The following CTCFL variants were observed in gnomAD, a reference collection of about 807,000 sequenced individuals.
CTCFL encodes the protein CCCTC-binding factor like.
Under a neutral mutation model 67.4 loss-of-function variants are expected in CTCFL, and 36 were observed. The ratio of observed to expected loss-of-function variants is 0.53; its 90% confidence interval spans 0.41 to 0.71. The LOEUF (loss-of-function observed/expected upper bound fraction) is 0.71. Ranked by LOEUF, CTCFL falls within the 30% of genes least tolerant of loss-of-function variation. CTCFL has a pLI of 0.00. For synonymous variants in CTCFL, 324 were observed against 302.3 expected (o/e 1.07, Z -0.75); for missense variants, 786 against 835.2 (o/e 0.94, Z 0.73).
intron 8 of CTCFL, among the ~76,000 whole-genome samples, chr20:57,511,492 T>G (rs2068549685): frequency 6.6e-6 from 1 of 152,172 alleles, no homozygotes. Context: ...GATTGGTCAT[T>G]TGGAAAATAC....
chr20:57,512,803 G>C (rs1196791530), intron 7 of CTCFL, 51 bp from the exon 8 acceptor site: 1 of 1,568,220 alleles, frequency 6.4e-7, no homozygotes, highest in African/African-American at 1.4e-5. Flanking sequence ...TTTTCTGTTA[G>C]CCTGCTTCCC....
chr20:57,515,125 G>A (rs1471066369), intron 6 of CTCFL: 2 of 191,762 alleles, frequency 1.0e-5, no homozygotes, highest in Non-Finnish European at 2.1e-5. Flanking sequence ...TTAAGGAGTT[G>A]ACTTTTATTT....
rs1388718683 is a variant in CTCFL, at chr20:57,514,720, T to C, written c.1202A>G (p.His401Arg). ...CTGGGTGAAGCGGGTGTGGCAGATG[T>C]GGCATTCGTAAGGCTTCTCACCTGA... Reference protein sequence around the residue: ...THSGEKPYECHICHTRFTQSG... With the variant: ...THSGEKPYECRICHTRFTQSG... Residue 401 changes from histidine (H) to arginine (R), a missense_variant, in exon 7 of 11, where the codon CAC (histidine) becomes CGC (arginine). By Grantham distance (29) the His-to-Arg change is conservative. Around this residue, in one of 3 missense-constraint regions of CTCFL, gnomAD observed 254 missense variants for 333.9 expected, o/e 0.76. Coordinates refer to ENST00000243914, the MANE Select transcript of CTCFL (RefSeq NM_001386993.1). 4 of 1,614,158 alleles carry C rather than the reference T, an allele frequency of 2.5e-6. No homozygotes were observed. The highest frequency in any genetic ancestry group is 1.3e-5 in the African/African-American group (1 of 75,030).
chr20:57,505,117 C>T (rs1365244708), intron 9 of CTCFL, among the ~76,000 whole-genome samples: 2 of 151,868 alleles, frequency 1.3e-5, no homozygotes, highest in Non-Finnish European at 2.9e-5. Context: ...GGGTAGCATG[C>T]ACCTTTGATA....
intron 3 of CTCFL, 41 bp downstream of exon 3, chr20:57,523,027 C>T: frequency 2.7e-6 from 4 of 1,498,818 alleles, no homozygotes; most frequent in Non-Finnish European, 3.6e-6. Flanking sequence ...AAACAGCAGC[C>T]CAGTTTTAGG....
At chr20:57,503,959 T>C (rs1014863229) in intron 9 of CTCFL, among the ~76,000 whole-genome samples, 1 of 145,094 alleles carries the variant, frequency 6.9e-6, no homozygotes, top group African/African-American at 2.5e-5. Context: ...AAAGAAAAGG[T>C]GATAGAAACC....
In CTCFL at chr20:57,519,203, T is replaced by C; in HGVS notation, c.925+4A>G. On this transcript the variant is annotated splice_donor_region_variant and intron_variant, in intron 4 of 10. Transcript: ENST00000243914. The stretch of plus-strand genomic sequence containing the variant: ...CAGAGAAACAGCCTTCCCGGCAGTT[T>C]TACCTGTGTGGGTGTTAACATGGTT... 1 of 1,613,784 alleles carries C rather than the reference T, an allele frequency of 6.2e-7. No homozygotes were observed.
At chr20:57,507,349 G>A (rs571324830) in intron 9 of CTCFL, 22 of 531,258 alleles carry the variant, frequency 4.1e-5, no homozygotes, top group Non-Finnish European at 5.8e-5. Context: ...GCACTACCAC[G>A]CCTAGCTATT....
At chr20:57,505,930 C>T (rs2068185235) in intron 9 of CTCFL, among the ~76,000 whole-genome samples, 1 of 152,164 alleles carries the variant, frequency 6.6e-6, no homozygotes, top group Admixed American at 6.5e-5. Flanking sequence ...CGCCTGATTC[C>T]CATTTTGACT....
chr20:57,524,490 T>C, intron 1 of CTCFL: 3 of 1,233,472 alleles, frequency 2.4e-6, no homozygotes, highest in East Asian at 4.1e-5. Context: ...GCACACATCC[T>C]GCGCCTGGCA....
downstream of CTCFL, chr20:57,496,126 G>A (rs1371817656): frequency 1.2e-5 from 5 of 404,206 alleles, no homozygotes; most frequent in South Asian, 1.2e-4. Flanking sequence ...ACTGGATCAC[G>A]GGGGCGGTTT....
chr20:57,515,026 C>T (rs1051513216), intron 6 of CTCFL: 1 of 405,226 alleles, frequency 2.5e-6, no homozygotes, highest in South Asian at 6.1e-5. Flanking sequence ...CCAAGAAGTA[C>T]ACATAAATGT....
In CTCFL at chr20:57,508,774, G is replaced by A. The variant is rs373069243; in HGVS notation, c.1506C>T (p.Thr502=). The change falls in exon 9 of 11, where the codon ACC becomes ACT. Residue 502 remains threonine, a synonymous_variant. Coordinates refer to ENST00000243914, the MANE Select transcript of CTCFL (RefSeq NM_001386993.1). ...SYACKQERHM[T]AHIRTHTGEK... is the part of the protein sequence containing the mutation. ...CTCCAGTGTGGGTACGAATGTGAGC[G>A]GTCATATGACGTTCCTAAGAGGGAA... 1.5e-5 allele frequency: 25 copies of A among 1,614,040 alleles called. No individual in the cohort carries two copies. The highest frequency in any genetic ancestry group is 3.3e-4 in the Middle Eastern group (2 of 6,062).
chr20:57,523,263 CCTG>C lies in CTCFL; in HGVS notation c.556_558del (p.Gln186del). 1 of 1,613,536 alleles carries C rather than the reference CCTG, an allele frequency of 6.2e-7. No homozygotes were observed. The highest frequency in any genetic ancestry group is 8.5e-7 in the Non-Finnish European group (1 of 1,179,808). ...CTTTCAGCCAATAACTGGTTCTTCT[CCTG>C]CTCTTCCTCGAGCTAATAAACAACA... On this transcript the variant is annotated inframe_deletion, in exon 3 of 11. Transcript: ENST00000243914.
At chr20:57,505,769 C>T (rs1328402205) in intron 9 of CTCFL, among the ~76,000 whole-genome samples, 1 of 152,202 alleles carries the variant, frequency 6.6e-6, no homozygotes, top group Non-Finnish European at 1.5e-5. Context: ...CCAAAGACTT[C>T]CCCTAGTCAA....
intron 10 of CTCFL, chr20:57,500,156 C>A (rs944714833): frequency 1.0e-6 from 1 of 972,592 alleles, no homozygotes; most frequent in Non-Finnish European, 1.2e-6. Context: ...AAAAGAAACA[C>A]TGAGATCCAC....
chr20:57,511,597 T>C lies in CTCFL; in HGVS notation c.1491+995A>G, dbSNP rs796530705. Among the ~76,000 whole-genome samples the C allele has an allele frequency of 6.3e-3, 799 of 126,362 alleles. 2 individuals are homozygous for C. The highest frequency in any genetic ancestry group is 0.026 in the African/African-American group (652 of 24,996). 82.9% of individuals were successfully genotyped at this position (126,362 alleles called of 152,430 possible). The stretch of plus-strand genomic sequence containing the variant: ...AAAAAAATCACTCTAATCCCCCCCC[T>C]TTTTTTTTTTTTGAGATGGAGTTTT... On this transcript the variant is annotated intron_variant, in intron 8 of 10. Coordinates refer to ENST00000243914, the MANE Select transcript of CTCFL (RefSeq NM_001386993.1).
intron 9 of CTCFL, among the ~76,000 whole-genome samples, chr20:57,505,288 CTCTT>C (rs1323260750): frequency 1.3e-5 from 2 of 151,664 alleles, no homozygotes; most frequent in Non-Finnish European, 2.9e-5. Flanking sequence ...CGGAGTCTTG[CTCTT>C]TCGTCTAGGC....
At chr20:57,498,931 T>C (rs987718280) in intron 10 of CTCFL, among the ~76,000 whole-genome samples, 3 of 152,086 alleles carry the variant, frequency 2.0e-5, no homozygotes, top group African/African-American at 7.2e-5. Flanking sequence ...AGCTGTCTGC[T>C]GGGGGCAGGG....
Sources: gnomAD v4.1 joint callset for allele counts (sites outside exome capture counted in the v4.1 genomes callset) on GRCh38, gnomAD v4.1.1 for gene constraint, gnomAD v4.1.1 regional missense constraint, MANE v1.5 for transcripts, NCBI Gene and HGNC (gene_info 2026-07-23, HGNC 2026-07-21) for gene names.